The following CPLANE1 variants were observed in gnomAD, a reference collection of about 807,000 sequenced individuals.
The protein encoded by CPLANE1 is ciliogenesis and planar polarity effector complex subunit 1, also known as ciliogenesis and planar polarity effector 1.
In CPLANE1, 263 loss-of-function variants were observed where a neutral mutation model predicts 362.5. The observed-to-expected ratio is 0.73, with a 90% CI of 0.66 to 0.80. CPLANE1 has a LOEUF of 0.80. Ranked by LOEUF, CPLANE1 falls within the 30% of genes least tolerant of loss-of-function variation. The probability of loss-of-function intolerance (pLI) is 0.00; values close to 1 mark genes in which losing one functional copy is unlikely to be tolerated. For missense variants in CPLANE1, 3,461 were observed against 3,793.4 expected (o/e 0.91, Z 2.30); for synonymous variants, 1,212 against 1,302.6 (o/e 0.93, Z 1.50).
chr5:37,164,344 A>G lies in CPLANE1; in HGVS notation c.7534-17T>C. 2 of 1,603,184 alleles carry G rather than the reference A, an allele frequency of 1.2e-6. No individual in the cohort carries two copies. The highest frequency in any genetic ancestry group is 1.7e-6 in the Non-Finnish European group (2 of 1,171,048). On this transcript the variant is annotated splice_polypyrimidine_tract_variant and intron_variant, in intron 36 of 52. Transcript: ENST00000651892. ...TTGTTGTTCCTAAATGAATTCCCACAGGATTACTCTATGATTAACTCAAAG... is the reference window on the plus strand; with the variant it reads ...TTGTTGTTCCTAAATGAATTCCCACGGGATTACTCTATGATTAACTCAAAG...
At chr5:37,111,760 A>C (rs182374949) in intron 51 of CPLANE1, among the ~76,000 whole-genome samples, 6 of 152,366 alleles carry the variant, frequency 3.9e-5, no homozygotes, top group Admixed American at 6.5e-5. Flanking sequence ...GAGTATTTTG[A>C]AATGCCACTG....
the CPLANE1 span, among the ~76,000 whole-genome samples, chr5:37,092,237 G>A: frequency 6.6e-6 from 1 of 152,174 alleles, no homozygotes; most frequent in African/African-American, 2.4e-5. Context: ...GGCATACATT[G>A]GACTAAGGTG....
At chr5:37,166,384 A>G (rs936764659) in intron 35 of CPLANE1, among the ~76,000 whole-genome samples, 1 of 152,190 alleles carries the variant, frequency 6.6e-6, no homozygotes, top group Non-Finnish European at 1.5e-5. Context: ...AAAGTATTAG[A>G]TGATACAGTA....
chr5:37,207,291 G>A (rs1007305984), intron 16 of CPLANE1, among the ~76,000 whole-genome samples: 1 of 152,166 alleles, frequency 6.6e-6, no homozygotes, highest in African/African-American at 2.4e-5. Context: ...ACCTATACAG[G>A]CTATGCCTAC....
At chr5:37,085,027 G>A in the CPLANE1 span, 45 of 637,590 alleles carry the variant, frequency 7.1e-5, no homozygotes, top group Admixed American at 9.2e-4. Flanking sequence ...CACCGGAAGA[G>A]AGGTCGTCTT....
chr5:37,173,845 C>A lies in CPLANE1; in HGVS notation c.6081G>T (p.Lys2027Asn). 6.2e-7 allele frequency: 1 copy of A among 1,614,100 alleles called. No homozygotes were observed. Among genetic ancestry groups the A allele is most frequent in the Non-Finnish European group, 8.5e-7 (1 of 1,180,026 alleles). Residue 2027 changes from lysine to asparagine, a missense_variant, in exon 32 of 53, where the codon AAG becomes AAT. Lys to Asn is a moderately conservative substitution (Grantham distance 94). Around this residue, in one of 2 missense-constraint regions of CPLANE1, gnomAD observed 3,380 missense variants for 3,666.1 expected, o/e 0.92. Transcript: ENST00000651892. ...ASQPPAPTPQ[K>N]TQRNEFTAQL... The stretch of plus-strand genomic sequence containing the variant: ...GAGCCGTGAATTCATTTCTCTGGGT[C>A]TTCTGAGGTGTTGGAGCAGGTGGTT...
chr5:37,204,920 G>A (rs2150110826), intron 18 of CPLANE1, among the ~76,000 whole-genome samples: 1 of 152,298 alleles, frequency 6.6e-6, no homozygotes, highest in East Asian at 1.9e-4. Flanking sequence ...ACTTTGGGAG[G>A]CCAAAGCAGG....
intron 44 of CPLANE1, chr5:37,141,745 G>A: frequency 2.0e-6 from 2 of 980,090 alleles, no homozygotes; most frequent in Non-Finnish European, 2.4e-6. Context: ...TTATTCATAG[G>A]ACAAAGTATA....
At chr5:37,197,095 A>G (rs949571703) in intron 20 of CPLANE1, among the ~76,000 whole-genome samples, 2 of 150,274 alleles carry the variant, frequency 1.3e-5, no homozygotes, top group South Asian at 2.2e-4. Context: ...AATATGGTGC[A>G]GGAAAAATTA....
In CPLANE1 at chr5:37,244,363, G is replaced by C. The variant is rs1339498232; in HGVS notation, c.570+12C>G. 6.5e-7 allele frequency: 1 copy of C among 1,532,906 alleles called. No individual in the cohort carries two copies. The highest frequency in any genetic ancestry group is 1.4e-5 in the African/African-American group (1 of 72,306). The allele number at this position is 1,532,906 out of a possible 1,614,324, so 95.0% of individuals were successfully genotyped here. On this transcript the variant is annotated intron_variant, in intron 5 of 52. Coordinates refer to ENST00000651892, the MANE Select transcript of CPLANE1 (RefSeq NM_001384732.1). The stretch of plus-strand genomic sequence containing the variant: ...ATCTGCTTCACAGATAAGAGTCTGA[G>C]ACTGATTTTACCTCATTTTTTATAA...
Position 37,244,496 on chromosome 5 carries a change from A to G in CPLANE1, c.449T>C (p.Leu150Ser). The change falls in exon 5 of 53, where the codon TTA (leucine) becomes TCA (serine). Residue 150 changes from leucine to serine, a missense_variant. By Grantham distance (145) the Leu-to-Ser change is moderately radical. Around this residue, in one of 2 missense-constraint regions of CPLANE1, gnomAD observed 3,380 missense variants for 3,666.1 expected, o/e 0.92. Transcript: ENST00000651892. ...CGCCAATGAAAGGCTTTTAGAAGAT[A>G]AGATATTCTTTAATTCCAAATATTC... ...LWEYLELKNI[L>S]SSKSLSLAGR... is the part of the protein sequence containing the mutation. 6.4e-7 allele frequency: 1 copy of G among 1,551,956 alleles called. No individual in the cohort carries two copies. Among genetic ancestry groups the G allele is most frequent in the Non-Finnish European group, 8.7e-7 (1 of 1,146,988 alleles).
chr5:37,084,792 T>A, the CPLANE1 span, among the ~76,000 whole-genome samples: 8 of 150,590 alleles, frequency 5.3e-5, no homozygotes, highest in Middle Eastern at 3.4e-3. Flanking sequence ...ATCTTTTTTT[T>A]TAAAAAAAAA....
At chr5:37,208,747 C>T (rs1791639193) in intron 16 of CPLANE1, among the ~76,000 whole-genome samples, 1 of 149,118 alleles carries the variant, frequency 6.7e-6, no homozygotes, top group African/African-American at 2.5e-5. Flanking sequence ...CCTGAAATTC[C>T]AATCTCAAAT....
chr5:37,222,371 G>A (rs1446270991), intron 14 of CPLANE1, among the ~76,000 whole-genome samples: 1 of 152,172 alleles, frequency 6.6e-6, no homozygotes, highest in African/African-American at 2.4e-5. Flanking sequence ...TGAAGGTCCA[G>A]GAACCATCTT....
intron 1 of CPLANE1, among the ~76,000 whole-genome samples, chr5:37,248,507 G>A (rs1740614837): frequency 6.7e-6 from 1 of 149,192 alleles, no homozygotes; most frequent in Non-Finnish European, 1.5e-5. Context: ...AGCACACAAA[G>A]ATCTATCAAG....
intron 50 of CPLANE1, among the ~76,000 whole-genome samples, chr5:37,119,482 C>T (rs1762009927): frequency 6.6e-6 from 1 of 151,228 alleles, no homozygotes; most frequent in South Asian, 2.1e-4. Context: ...ACCAGCCTCA[C>T]CAACATGGAG....
chr5:37,076,683 G>C, the CPLANE1 span, among the ~76,000 whole-genome samples: 1 of 151,946 alleles, frequency 6.6e-6, no homozygotes, highest in East Asian at 1.9e-4. Context: ...TAACCTTATA[G>C]AAATGTGAGA....
intron 32 of CPLANE1, among the ~76,000 whole-genome samples, chr5:37,172,259 A>T (rs1192114125): frequency 6.6e-6 from 1 of 152,220 alleles, no homozygotes; most frequent in Non-Finnish European, 1.5e-5. Flanking sequence ...GTGTCCTAGA[A>T]TATAGAAGAC....
chr5:37,212,357 T>C (rs1331568742), intron 16 of CPLANE1: 23 of 841,250 alleles, frequency 2.7e-5, no homozygotes, highest in Non-Finnish European at 4.8e-5. Flanking sequence ...GCTTTTCTCA[T>C]GAAGAACCAG....
Sources: allele counts gnomAD v4.1 joint callset (sites outside exome capture counted in the v4.1 genomes callset), GRCh38; gene constraint gnomAD v4.1.1; regional missense constraint gnomAD v4.1.1; transcripts MANE v1.5; gene names NCBI Gene and HGNC (gene_info 2026-07-23, HGNC 2026-07-21).